ZNF141: variants seen among roughly 807,000 people sequenced by gnomAD.
ZNF141 encodes the protein zinc finger protein 141 (clone pHZ-44).
In ZNF141, 7 loss-of-function variants were observed where a neutral mutation model predicts 11.3. The observed-to-expected ratio is 0.62, with a 90% CI of 0.35 to 1.16. The LOEUF (loss-of-function observed/expected upper bound fraction) is 1.16, where lower values mean the gene tolerates loss of function less well. Ranked by LOEUF, ZNF141 falls within the 50% of genes most tolerant of loss-of-function variation. The probability of loss-of-function intolerance (pLI) is 0.02; values close to 1 mark genes in which losing one functional copy is unlikely to be tolerated. For missense variants in ZNF141, 535 were observed against 554.0 expected, an observed-to-expected ratio of 0.97 and a Z score of 0.34; for synonymous variants, 183 against 190.7, an observed-to-expected ratio of 0.96 and a Z score of 0.33.
At chr4:362,037 C>T (rs1442468792) in intron 3 of ZNF141, among the ~76,000 whole-genome samples, 5 of 152,212 alleles carry the variant, frequency 3.3e-5, no homozygotes, top group Non-Finnish European at 7.3e-5. Flanking sequence ...TCTCCAGCAC[C>T]TGTTGTTTCC....
chr4:355,500 C>G lies in ZNF141; in HGVS notation c.226+11070C>G, dbSNP rs560204851. Among the ~76,000 whole-genome samples the G allele has an allele frequency of 4.2e-4, 64 of 152,222 alleles. 1 individual carries two copies. In the South Asian group the frequency reaches 8.7e-3, roughly 21 times the overall value. ...GGATTACAGGTATGAGCCATCGTGC[C>G]CAGCTATGACAGATTTTTTTCTAGA... On this transcript the variant is annotated intron_variant, in intron 3 of 3. Transcript: ENST00000240499.
intron 3 of ZNF141, among the ~76,000 whole-genome samples, chr4:350,988 A>T (rs561506549): frequency 6.6e-6 from 1 of 150,874 alleles, no homozygotes; most frequent in Non-Finnish European, 1.5e-5. Context: ...TGACCTCATG[A>T]TCCGTCCACC....
chr4:373,387 G>A lies in ZNF141; in HGVS notation c.950G>A (p.Gly317Asp), dbSNP rs781989677. The change falls in exon 4 of 4, where the codon GGC becomes GAC. Residue 317 changes from glycine (G) to aspartate (D), a missense_variant. Physicochemically the swap from Gly to Asp is moderately conservative, Grantham distance 94. Transcript: ENST00000240499. Reference sequence around the variant, plus strand: ...AAACCCTACAAATGTGAAGAATGTGGCAAAGCCTTTAATAGGTCCACAACC... The same window carrying A: ...AAACCCTACAAATGTGAAGAATGTGACAAAGCCTTTAATAGGTCCACAACC... ...GEKPYKCEEC[G>D]KAFNRSTTLT... 2.5e-6 allele frequency: 4 copies of A among 1,614,038 alleles called. No individual in the cohort carries two copies. Among genetic ancestry groups the A allele is most frequent in the Non-Finnish European group, 2.5e-6 (3 of 1,180,002 alleles).
intron 3 of ZNF141, among the ~76,000 whole-genome samples, chr4:353,414 T>C (rs11248014): frequency 6.7e-6 from 1 of 150,022 alleles, no homozygotes; most frequent in East Asian, 2.0e-4. Context: ...CAGAAGGAGA[T>C]GGTGGGTCTG....
intron 3 of ZNF141, among the ~76,000 whole-genome samples, chr4:347,323 C>T (rs1428367358): frequency 6.7e-6 from 1 of 148,820 alleles, no homozygotes; most frequent in African/African-American, 2.5e-5. Flanking sequence ...AGGAGTGAGA[C>T]ACCACGCCCG....
intron 3 of ZNF141, among the ~76,000 whole-genome samples, chr4:361,133 C>T (rs1722087155): frequency 6.6e-6 from 1 of 152,094 alleles, no homozygotes; most frequent in Non-Finnish European, 1.5e-5. Flanking sequence ...TCTAGTGGAG[C>T]TAAGTACATT....
At position 371,336 on chromosome 4, in the gene ZNF141, A is replaced by G. The variant is rs371789593; in HGVS notation, c.227-1328A>G. The stretch of plus-strand genomic sequence containing the variant: ...AACCTCCACCTCCCGGGTTCAAGCA[A>G]TTCTCCTGCCTCAGCCTTCCGAGTA... On this transcript the variant is annotated intron_variant, in intron 3 of 3. Coordinates refer to ENST00000240499, the MANE Select transcript of ZNF141 (RefSeq NM_003441.4). Among the ~76,000 whole-genome samples the G allele has an allele frequency of 5.8e-3, 878 of 151,198 alleles. 11 individuals carry two copies. Among genetic ancestry groups the G allele is most frequent in the African/African-American group, 0.019 (793 of 41,226 alleles).
chr4:361,325 TA>T (rs1298542652), intron 3 of ZNF141, among the ~76,000 whole-genome samples: 2 of 152,102 alleles, frequency 1.3e-5, no homozygotes, highest in African/African-American at 4.8e-5. Context: ...TCTTTTTGAC[TA>T]TTTTTTTTAA....
chr4:344,263 G>C, intron 2 of ZNF141, 72 bp from the exon 3 acceptor site: 1 of 1,292,144 alleles, frequency 7.7e-7, no homozygotes, highest in Admixed American at 1.9e-5. Flanking sequence ...ATTCTGCTTA[G>C]CGTAGTACTA....
intron 3 of ZNF141, among the ~76,000 whole-genome samples, chr4:359,150 A>AT (rs1430295154): frequency 6.6e-6 from 1 of 152,166 alleles, no homozygotes; most frequent in Non-Finnish European, 1.5e-5. Flanking sequence ...AGTCAACTGC[A>AT]TTGGATCCTG....
chr4:365,050 C>T (rs1711671995), intron 3 of ZNF141, among the ~76,000 whole-genome samples: 1 of 152,208 alleles, frequency 6.6e-6, no homozygotes, highest in Non-Finnish European at 1.5e-5. Flanking sequence ...GGACGCTCCT[C>T]CCCCTGCCAG....
rs1253501127 is a variant in ZNF141, at chr4:376,150, C to T, written c.*2288C>T. ...GCTTGAATGAAGTGTCATTATGCCA[C>T]CAACTTAAACCTATCCCACCTTACT... On this transcript the variant is annotated 3_prime_UTR_variant, in exon 4 of 4. Coordinates refer to ENST00000240499, the MANE Select transcript of ZNF141 (RefSeq NM_003441.4). 6.6e-6 allele frequency among the ~76,000 whole-genome samples: 1 copy of T among 152,000 alleles called. No homozygotes were observed. The highest frequency in any genetic ancestry group is 1.5e-5 in the Non-Finnish European group (1 of 67,896).
At chr4:369,764 A>ATTTATATTTTTTTTTTTTTTTTTTT in intron 3 of ZNF141, among the ~76,000 whole-genome samples, 1 of 48,742 alleles carries the variant, frequency 2.1e-5, no homozygotes, top group Non-Finnish European at 3.1e-5. Flanking sequence ...ATATATATAT[A>ATTTATATTTTTTTTTTTTTTTTTTT]TTTTTTTTTT....
rs188936133 is a variant in ZNF141 at position 382,139 on chromosome 4, G to A, written c.*8277G>A. 2.9e-3 allele frequency among the ~76,000 whole-genome samples: 438 copies of A among 151,822 alleles called. 1 individual carries two copies. Among genetic ancestry groups the A allele is most frequent in the Middle Eastern group, 0.01 (3 of 294 alleles). On this transcript the variant is annotated 3_prime_UTR_variant, in exon 4 of 4. Transcript: ENST00000240499. ...TTTTTTGTATTTTTAGTAGAGACGG[G>A]GTTTCACCATGTTAGCCAACAAGGT...
rs781951767 is a variant in ZNF141 at position 343,849 on chromosome 4, A to C, written c.71A>C (p.Asp24Ala). 151 of 1,611,154 alleles carry C rather than the reference A, an allele frequency of 9.4e-5. 1 individual carries two copies. In the Admixed American group the frequency reaches 2.1e-3, roughly 22 times the overall value. The change falls in exon 2 of 4, where the codon GAC becomes GCC. Residue 24 changes from aspartate (D) to alanine (A), a missense_variant. Physicochemically the swap from Asp to Ala is moderately radical, Grantham distance 126. Coordinates refer to ENST00000240499, the MANE Select transcript of ZNF141 (RefSeq NM_003441.4). ...SPEEWKCLDP[D>A]QQNLYRDVML... ...GAAGAGTGGAAATGCCTGGACCCTG[A>C]CCAGCAGAATTTGTATAGAGATGTG...
At chr4:361,222 C>T (rs1722091289) in intron 3 of ZNF141, among the ~76,000 whole-genome samples, 2 of 152,030 alleles carry the variant, frequency 1.3e-5, no homozygotes, top group Non-Finnish European at 2.9e-5. Context: ...CTGCCCTTTT[C>T]CTCTCTTCAG....
At chr4:347,635 G>A (rs1421145857) in intron 3 of ZNF141, among the ~76,000 whole-genome samples, 2 of 151,024 alleles carry the variant, frequency 1.3e-5, no homozygotes, top group African/African-American at 2.4e-5. Flanking sequence ...CAAGGAGCCC[G>A]GCCGCGCCCA....
Position 340,322 on chromosome 4 carries a change from T to C in ZNF141, c.3+2336T>C, listed in dbSNP as rs1720987118. ...AAAGCTGCAAACAAAATGATCTCTC[T>C]ATTTGGGATCTACAATCCCTTCTAT... is the stretch of plus-strand genomic sequence containing the variant. On this transcript the variant is annotated intron_variant, in intron 1 of 3. Transcript: ENST00000240499. 2.6e-5 allele frequency among the ~76,000 whole-genome samples: 4 copies of C among 152,242 alleles called. No individual in the cohort carries two copies. The South Asian group carries it at 8.3e-4, about 32-fold the overall frequency.
chr4:364,867 C>T (rs1486397966), intron 3 of ZNF141, among the ~76,000 whole-genome samples: 2 of 123,298 alleles, frequency 1.6e-5, no homozygotes, highest in Non-Finnish European at 3.4e-5. Flanking sequence ...TCTTCAGAGC[C>T]ATCATACAGG....
Sources: allele counts gnomAD v4.1 joint callset (sites outside exome capture counted in the v4.1 genomes callset), GRCh38; gene constraint gnomAD v4.1.1; transcripts MANE v1.5; gene names NCBI Gene and HGNC (gene_info 2026-07-23, HGNC 2026-07-21).